The following TTPAL variants were observed in gnomAD, a reference collection of about 807,000 sequenced individuals.
The protein encoded by TTPAL is alpha tocopherol transfer protein like, also known as alpha-tocopherol transfer protein-like.
Under a neutral mutation model 28.7 loss-of-function variants are expected in TTPAL, and 21 were observed. That is an observed-to-expected ratio of 0.73 (90% confidence interval 0.52 to 1.06). The LOEUF (loss-of-function observed/expected upper bound fraction) is 1.06. TTPAL is among the 50% of genes least tolerant of loss of function. The pLI is 0.00. For synonymous variants in TTPAL, 169 were observed against 171.9 expected (o/e 0.98, Z 0.13); for missense variants, 345 against 425.5 (o/e 0.81, Z 1.67).
rs2064195908 is a variant in TTPAL at position 44,490,588 on chromosome 20, A to G, written c.*1047A>G. The G allele has an allele frequency of 6.6e-6, 1 of 152,330 alleles. No homozygotes were observed. Among genetic ancestry groups the G allele is most frequent in the Non-Finnish European group, 1.5e-5 (1 of 68,042 alleles). 9.4% of individuals were successfully genotyped at this position (152,330 alleles called of 1,614,324 possible). A position where few individuals can be genotyped will look rare whatever the true frequency, so the allele number is the denominator to read the frequency against. On this transcript the variant is annotated 3_prime_UTR_variant, in exon 5 of 5. Coordinates refer to ENST00000262605, the MANE Select transcript of TTPAL (RefSeq NM_001039199.3). Reference sequence around the variant, plus strand: ...TCACCAATTAGCCCTGCCTTTAAAGAAACTATTATGTGTATTCCTGGGACT... The same window carrying G: ...TCACCAATTAGCCCTGCCTTTAAAGGAACTATTATGTGTATTCCTGGGACT...
chr20:44,488,661 G>A (rs537636579), intron 4 of TTPAL, among the ~76,000 whole-genome samples: 14 of 152,298 alleles, frequency 9.2e-5, no homozygotes, highest in Non-Finnish European at 1.6e-4. Context: ...TTTGAGCAAA[G>A]ACAAGAAGTG....
intron 2 of TTPAL, among the ~76,000 whole-genome samples, chr20:44,481,200 T>C (rs1007706010): frequency 6.6e-6 from 1 of 152,154 alleles, no homozygotes; most frequent in African/African-American, 2.4e-5. Context: ...TTACATTTCT[T>C]TGTCATGGTG....
rs1198715961 is a variant in TTPAL at position 44,480,797 on chromosome 20, TCTTCA to T, written c.445+355_445+359del. Among the ~76,000 whole-genome samples the T allele has an allele frequency of 6.6e-6, 1 of 152,194 alleles. No individual in the cohort carries two copies. The highest frequency in any genetic ancestry group is 6.5e-5 in the Admixed American group (1 of 15,274). ...ACACATTTCTGCCTTTTGCATATCT[TCTTCA>T]CACTTTTTCTGTGTATGGCTGTCCC... On this transcript the variant is annotated intron_variant, in intron 2 of 4. Coordinates refer to ENST00000262605, the MANE Select transcript of TTPAL (RefSeq NM_001039199.3). The surrounding 1 kb of genome is among the most constrained non-coding windows in gnomAD (Gnocchi z 4.1).
Position 44,492,630 on chromosome 20 carries a change from T to G in TTPAL, c.*3089T>G, listed in dbSNP as rs1189993298. 3 of 152,328 alleles carry G rather than the reference T, an allele frequency of 2.0e-5. No individual in the cohort carries two copies. Among genetic ancestry groups the G allele is most frequent in the East Asian group, 3.8e-4 (2 of 5,328 alleles). The allele number at this position is 152,328 out of a possible 1,614,324, so 9.4% of individuals were successfully genotyped here. A position where few individuals can be genotyped will look rare whatever the true frequency, so the allele number is the denominator to read the frequency against. ...TTGGCTTATTTAGTAAATTTAGGTC[T>G]GAATGAATTGGTACCTAAAAGCTTC... On this transcript the variant is annotated 3_prime_UTR_variant, in exon 5 of 5. Coordinates refer to ENST00000262605, the MANE Select transcript of TTPAL (RefSeq NM_001039199.3).
chr20:44,485,561 A>C (rs1342312920), intron 3 of TTPAL, among the ~76,000 whole-genome samples: 1 of 152,120 alleles, frequency 6.6e-6, no homozygotes, highest in Non-Finnish European at 1.5e-5. Flanking sequence ...TGATTCCACA[A>C]ATGTTTCAGC....
In TTPAL at chr20:44,486,775, T is replaced by G. The variant is rs191284508; in HGVS notation, c.750+69T>G. On this transcript the variant is annotated intron_variant, in intron 4 of 4. Coordinates refer to ENST00000262605, the MANE Select transcript of TTPAL (RefSeq NM_001039199.3). The stretch of plus-strand genomic sequence containing the variant: ...TTGATTTATTTGTGACATCTGGTAC[T>G]TGTTTATTATTTTTGCCCTGGAACA... 2.4e-5 allele frequency: 21 copies of G among 885,134 alleles called. No individual in the cohort carries two copies. The African/African-American group carries it at 3.4e-4, about 14-fold the overall frequency. 54.8% of individuals were successfully genotyped at this position (885,134 alleles called of 1,614,324 possible).
rs1045222028 is a variant in TTPAL at position 44,493,428 on chromosome 20, GATCA to G, written c.*3891_*3894del. 7.9e-5 allele frequency: 12 copies of G among 152,256 alleles called. No individual in the cohort carries two copies. Among genetic ancestry groups the G allele is most frequent in the African/African-American group, 2.7e-4 (11 of 41,408 alleles). 9.4% of individuals were successfully genotyped at this position (152,256 alleles called of 1,614,324 possible). ...TTCTTTAAATAGTATTTGACCCTCAGATCAATCCTGGGAATTTTTTTCATTTGGG... is the reference window on the plus strand; with the variant it reads ...TTCTTTAAATAGTATTTGACCCTCAGATCCTGGGAATTTTTTTCATTTGGG... On this transcript the variant is annotated 3_prime_UTR_variant, in exon 5 of 5. Coordinates refer to ENST00000262605, the MANE Select transcript of TTPAL (RefSeq NM_001039199.3).
intron 1 of TTPAL, among the ~76,000 whole-genome samples, chr20:44,476,220 A>G (rs950896355): frequency 6.6e-6 from 1 of 152,114 alleles, no homozygotes; most frequent in Non-Finnish European, 1.5e-5. Flanking sequence ...GTTGAGAGGA[A>G]GGGGTGGAAA....
At chr20:44,479,867 GA>G (rs1203878369) in intron 1 of TTPAL, 117 bp from the exon 2 acceptor site, 7 of 850,202 alleles carry the variant, frequency 8.2e-6, no homozygotes, top group Non-Finnish European at 1.3e-5. Context: ...CCCCAGTTGA[GA>G]AACACTGCCC....
At chr20:44,479,182 C>CT (rs2064075619) in intron 1 of TTPAL, among the ~76,000 whole-genome samples, 1 of 152,080 alleles carries the variant, frequency 6.6e-6, no homozygotes, top group African/African-American at 2.4e-5. Flanking sequence ...TGTTTCCAAT[C>CT]TTTTATCATT....
intron 1 of TTPAL, among the ~76,000 whole-genome samples, chr20:44,478,956 AT>A (rs2064072737): frequency 6.6e-6 from 1 of 151,612 alleles, no homozygotes; most frequent in Non-Finnish European, 1.5e-5. Flanking sequence ...CGCCCGGCTA[AT>A]TTTTTGTATT....
Position 44,480,450 on chromosome 20 carries a change from T to TCC in TTPAL, c.445+8_445+9dup, listed in dbSNP as rs763320735. ...TGTCGTCTGCATCCGCCCAGGTATC[T>TCC]CCCTAGACTGTTGTGGGGTGTGTGT... On this transcript the variant is annotated splice_region_variant and intron_variant, in intron 2 of 4. Coordinates refer to ENST00000262605, the MANE Select transcript of TTPAL (RefSeq NM_001039199.3). The surrounding 1 kb of genome is among the most constrained non-coding windows in gnomAD (Gnocchi z 4.1). The TCC allele has an allele frequency of 1.0e-5, 16 of 1,585,608 alleles. No individual in the cohort carries two copies. Among genetic ancestry groups the TCC allele is most frequent in the Non-Finnish European group, 1.3e-5 (15 of 1,164,328 alleles).
At chr20:44,486,423 A>G (rs1485223312) in intron 3 of TTPAL, 173 bp from the exon 4 acceptor site, 3 of 502,140 alleles carry the variant, frequency 6.0e-6, no homozygotes, top group East Asian at 6.6e-5. Flanking sequence ...GTCCCAGGAA[A>G]GACTTTCCCT....
At chr20:44,481,599 T>C (rs1382009907) in intron 2 of TTPAL, among the ~76,000 whole-genome samples, 2 of 152,210 alleles carry the variant, frequency 1.3e-5, no homozygotes, top group South Asian at 2.1e-4. Context: ...TCTCCCCAAG[T>C]AAGCCAGGGA....
Position 44,489,329 on chromosome 20 carries a change from G to A in TTPAL, c.817G>A (p.Glu273Lys). Reference sequence around the variant, plus strand: ...CCTTCCAAGAAGCATCCTCCCCAAGGAGTATGGGGGCACGGCTGGGGAGCT... The same window carrying A: ...CCTTCCAAGAAGCATCCTCCCCAAGAAGTATGGGGGCACGGCTGGGGAGCT... ...TNLPRSILPK[E>K]YGGTAGELDT... Residue 273 changes from glutamate (E) to lysine (K), a missense_variant, in exon 5 of 5, where the codon GAG (glutamate) becomes AAG (lysine). Transcript: ENST00000262605. 1.9e-6 allele frequency: 3 copies of A among 1,614,158 alleles called. No individual in the cohort carries two copies. Among genetic ancestry groups the A allele is most frequent in the Non-Finnish European group, 1.7e-6 (2 of 1,180,024 alleles).
rs976251295 is a variant in TTPAL, at chr20:44,489,602, G to A, written c.*61G>A. Reference sequence around the variant, plus strand: ...CTTCTTTTCTTTGGAGAGGCACAAGGAGAATTTAAGGGTCCATGGATTCAG... The same window carrying A: ...CTTCTTTTCTTTGGAGAGGCACAAGAAGAATTTAAGGGTCCATGGATTCAG... On this transcript the variant is annotated 3_prime_UTR_variant, in exon 5 of 5. Transcript: ENST00000262605. The A allele has an allele frequency of 6.0e-5, 91 of 1,511,134 alleles. No homozygotes were observed. Among genetic ancestry groups the A allele is most frequent in the African/African-American group, 3.7e-4 (27 of 72,494 alleles). 93.6% of individuals were successfully genotyped at this position (1,511,134 alleles called of 1,614,324 possible). A position where few individuals can be genotyped will look rare whatever the true frequency, so the allele number is the denominator to read the frequency against.
chr20:44,479,410 T>TTC lies in TTPAL; in HGVS notation c.-15-574_-15-573insCT, dbSNP rs1555824579. On this transcript the variant is annotated intron_variant, in intron 1 of 4. Coordinates refer to ENST00000262605, the MANE Select transcript of TTPAL (RefSeq NM_001039199.3). The stretch of plus-strand genomic sequence containing the variant: ...TCTGAATCTGAGTTGTTTTTTTTTT[T>TTC]TTTTTTTTTTTTTTTTTTGAGAGTC... Among the ~76,000 whole-genome samples, 16 of 116,316 alleles carry TTC rather than the reference T, an allele frequency of 1.4e-4. 1 individual carries two copies. The East Asian group carries it at 1.6e-3, about 11-fold the overall frequency. 76.3% of individuals were successfully genotyped at this position (116,316 alleles called of 152,430 possible). A position where few individuals can be genotyped will look rare whatever the true frequency, so the allele number is the denominator to read the frequency against.
rs1322856114 is a variant in TTPAL at position 44,479,330 on chromosome 20, T to C, written c.-15-655T>C. On this transcript the variant is annotated intron_variant, in intron 1 of 4. Coordinates refer to ENST00000262605, the MANE Select transcript of TTPAL (RefSeq NM_001039199.3). ...TGACAAATGCCCTCCAAAGAGGCTG[T>C]CAATTTATACTCCCAGCAGCAGCAA... Among the ~76,000 whole-genome samples, 4 of 151,986 alleles carry C rather than the reference T, an allele frequency of 2.6e-5. No homozygotes were observed. In the East Asian group the frequency reaches 5.8e-4, roughly 22 times the overall value.
rs925736474 is a variant in TTPAL, at chr20:44,491,401, C to G, written c.*1860C>G. 2.1e-4 allele frequency: 32 copies of G among 152,190 alleles called. 1 individual carries two copies. The highest frequency in any genetic ancestry group is 7.5e-4 in the African/African-American group (31 of 41,370). The allele number at this position is 152,190 out of a possible 1,614,324, so 9.4% of individuals were successfully genotyped here. Reference sequence around the variant, plus strand: ...GTGTTGTGTGTGCACCTTCTCCGTGCATTTATTAGACTAACCAGTCAAGCA... The same window carrying G: ...GTGTTGTGTGTGCACCTTCTCCGTGGATTTATTAGACTAACCAGTCAAGCA... On this transcript the variant is annotated 3_prime_UTR_variant, in exon 5 of 5. Transcript: ENST00000262605.
Sources: gnomAD v4.1 joint callset for allele counts (sites outside exome capture counted in the v4.1 genomes callset) on GRCh38, gnomAD v4.1.1 for gene constraint, Gnocchi (gnomAD v3.1) non-coding constraint, MANE v1.5 for transcripts, NCBI Gene and HGNC (gene_info 2026-07-23, HGNC 2026-07-21) for gene names.